Variants in FAM107A observed in about 807,000 individuals in gnomAD.
FAM107A encodes the protein family with sequence similarity 107 member A, also known as actin-associated protein FAM107A.
A neutral mutation model predicts 13.7 loss-of-function variants in FAM107A; 19 were observed. That is an observed-to-expected ratio of 1.38 (90% CI 0.97 to 2.03). The LOEUF is 2.03. Among genes scored for constraint, FAM107A ranks in the 30% most tolerant of loss-of-function variants. FAM107A has a pLI of 0.00. For missense variants in FAM107A, 203 were observed against 184.4 expected, an observed-to-expected ratio of 1.10 and a Z score of -0.58; for synonymous variants, 82 against 74.5, an observed-to-expected ratio of 1.10 and a Z score of -0.52.
At chr3:58,581,238 C>T (rs1241519891), upstream of FAM107A, among the ~76,000 whole-genome samples, 1 of 152,228 alleles carries the variant, frequency 6.6e-6, no homozygotes. Context: ...TCCCTCCCAT[C>T]CCCTTTTAAC....
At chr3:58,577,808 G>T, upstream of FAM107A, 4 of 847,938 alleles carry the variant, frequency 4.7e-6, no homozygotes, top group Middle Eastern at 6.1e-4. The surrounding 1 kb of genome is among the most constrained non-coding windows in gnomAD (Gnocchi z 4.9). Flanking sequence ...GGGGAAAAGG[G>T]TGGGGTGTAA....
chr3:58,596,503 C>A (rs1384093456), intron 1 of FAM107A, among the ~76,000 whole-genome samples: 2 of 152,104 alleles, frequency 1.3e-5, no homozygotes, highest in African/African-American at 4.8e-5. Flanking sequence ...CATGAAGAAA[C>A]CCTGTTTCTA....
At chr3:58,612,887 G>C (rs1218621158) in intron 1 of FAM107A, among the ~76,000 whole-genome samples, 3 of 145,288 alleles carry the variant, frequency 2.1e-5, no homozygotes, top group Non-Finnish European at 4.7e-5. Flanking sequence ...GCACAGTTTG[G>C]AGTCATGTTT....
intron 3 of FAM107A, 45 bp from the exon 4 acceptor site, chr3:58,566,740 G>T (rs1269900114): frequency 3.4e-6 from 5 of 1,470,398 alleles, no homozygotes; most frequent in Non-Finnish European, 4.8e-6. Flanking sequence ...GAGCTAGGGG[G>T]ATTCCTACTC....
intron 1 of FAM107A, among the ~76,000 whole-genome samples, chr3:58,570,882 G>A (rs1559475028): frequency 6.6e-6 from 1 of 152,210 alleles, no homozygotes. Flanking sequence ...GTTTTCTTTG[G>A]TCTTGGGGAA....
chr3:58,599,666 G>A (rs2065735657), intron 1 of FAM107A, among the ~76,000 whole-genome samples: 1 of 116,992 alleles, frequency 8.5e-6, no homozygotes, highest in Non-Finnish European at 1.8e-5. Flanking sequence ...CTAAAAATGT[G>A]TTAAGTGGTA....
At chr3:58,585,969 A>C (rs1245953582) in intron 1 of FAM107A, among the ~76,000 whole-genome samples, 5 of 152,208 alleles carry the variant, frequency 3.3e-5, no homozygotes, top group African/African-American at 1.2e-4. Context: ...GGAAGAGAAA[A>C]AGCACCTATC....
upstream of FAM107A, chr3:58,589,229 TCA>T: frequency 6.5e-7 from 1 of 1,535,452 alleles, no homozygotes; most frequent in Non-Finnish European, 8.7e-7. Context: ...TCTCTGCTTC[TCA>T]TTTTCACTAT....
chr3:58,606,710 G>A (rs2065798075), intron 1 of FAM107A, among the ~76,000 whole-genome samples: 1 of 152,240 alleles, frequency 6.6e-6, no homozygotes, highest in South Asian at 2.1e-4. Context: ...ACTGGAAAAT[G>A]TTGGACCACA....
intron 1 of FAM107A, among the ~76,000 whole-genome samples, chr3:58,619,010 T>G (rs1575458614): frequency 4.6e-5 from 7 of 152,292 alleles, no homozygotes; most frequent in Admixed American, 4.6e-4. Context: ...TTGTGATTTT[T>G]TTTTCCTTGA....
chr3:58,607,867 C>G (rs1432507845), intron 1 of FAM107A: 5 of 152,198 alleles, frequency 3.3e-5, no homozygotes, highest in African/African-American at 1.2e-4. Context: ...TGAACTCTTT[C>G]TCAGTCGAGC....
At chr3:58,589,041 A>AT, upstream of FAM107A, among the ~76,000 whole-genome samples, 1 of 152,306 alleles carries the variant, frequency 6.6e-6, no homozygotes, top group Middle Eastern at 3.4e-3. Flanking sequence ...TGGAGCCAGA[A>AT]TTTGAACCCA....
chr3:58,627,185 G>C (rs2066027276), intron 1 of FAM107A: 1 of 601,674 alleles, frequency 1.7e-6, no homozygotes, highest in African/African-American at 1.9e-5. Context: ...CCTCAGACAG[G>C]CTTAGGGCGA....
At chr3:58,597,224 C>G (rs1338411444) in intron 1 of FAM107A, among the ~76,000 whole-genome samples, 14 of 152,182 alleles carry the variant, frequency 9.2e-5, no homozygotes, top group Non-Finnish European at 2.9e-5. Context: ...CAGCAGTGGA[C>G]TTGGGGGATC....
intron 1 of FAM107A, among the ~76,000 whole-genome samples, chr3:58,610,385 C>A (rs985937483): frequency 2.6e-5 from 4 of 152,144 alleles, no homozygotes; most frequent in African/African-American, 9.7e-5. Context: ...ATGACGAAGG[C>A]CCTGCCCCTG....
intron 1 of FAM107A, among the ~76,000 whole-genome samples, chr3:58,619,537 G>A (rs1288098370): frequency 6.6e-6 from 1 of 152,140 alleles, no homozygotes; most frequent in Non-Finnish European, 1.5e-5. Context: ...TTGCCTGCTG[G>A]AAACCTCTCC....
chr3:58,566,802 C>A, intron 3 of FAM107A, 107 bp from the exon 4 acceptor site: 1 of 826,100 alleles, frequency 1.2e-6, no homozygotes, highest in Non-Finnish European at 2.0e-6. Context: ...GAAACAGAAC[C>A]AACCTGGGGA....
chr3:58,623,887 C>G (rs1391420464), intron 1 of FAM107A, among the ~76,000 whole-genome samples: 1 of 152,236 alleles, frequency 6.6e-6, no homozygotes, highest in Non-Finnish European at 1.5e-5. Flanking sequence ...TTCCATTTAG[C>G]AGCCCCTTTA....
At chr3:58,582,001 T>C (rs2065551584), upstream of FAM107A, among the ~76,000 whole-genome samples, 1 of 152,152 alleles carries the variant, frequency 6.6e-6, no homozygotes, top group Non-Finnish European at 1.5e-5. Context: ...AGCATGTGTG[T>C]GTGTGCGTGT....
Sources: gnomAD v4.1 joint callset for allele counts (sites outside exome capture counted in the v4.1 genomes callset) on GRCh38, gnomAD v4.1.1 for gene constraint, Gnocchi (gnomAD v3.1) non-coding constraint, MANE v1.5 for transcripts, NCBI Gene and HGNC (gene_info 2026-07-23, HGNC 2026-07-21) for gene names.